Variants in CRPPA observed in about 807,000 individuals in gnomAD.
CRPPA encodes D-ribitol-5-phosphate cytidylyltransferase.
A neutral mutation model predicts 52.0 loss-of-function variants in CRPPA; 43 were observed. The ratio of observed to expected loss-of-function variants is 0.83; its 90% confidence interval spans 0.65 to 1.07. The LOEUF (loss-of-function observed/expected upper bound fraction) is 1.07, where lower values mean the gene tolerates loss of function less well. Among genes scored for constraint, CRPPA ranks in the 50% least tolerant of loss-of-function variants. The pLI is 0.00. For synonymous variants in CRPPA, 250 were observed against 203.5 expected (o/e 1.23, Z -1.94); for missense variants, 629 against 551.7 (o/e 1.14, Z -1.40).
At chr7:16,287,616 G>A (rs1159630421) in intron 5 of CRPPA, among the ~76,000 whole-genome samples, 1 of 152,006 alleles carries the variant, frequency 6.6e-6, no homozygotes, top group Non-Finnish European at 1.5e-5. Flanking sequence ...GCCCTTATAG[G>A]AAAAAGAAAT....
intron 9 of CRPPA, among the ~76,000 whole-genome samples, chr7:16,214,585 G>A (rs900856850): frequency 1.7e-4 from 26 of 151,944 alleles, no homozygotes; most frequent in African/African-American, 5.8e-4. Context: ...TGCAACCTCC[G>A]CCTCCGCCTC....
intron 9 of CRPPA, among the ~76,000 whole-genome samples, chr7:16,184,507 C>G (rs1781469017): frequency 6.6e-6 from 1 of 152,074 alleles, no homozygotes; most frequent in Non-Finnish European, 1.5e-5. Flanking sequence ...AACTAAATAT[C>G]TAACATGAAT....
chr7:16,329,880 T>C (rs1785508492), intron 3 of CRPPA, among the ~76,000 whole-genome samples: 1 of 152,238 alleles, frequency 6.6e-6, no homozygotes, highest in Admixed American at 6.5e-5. Flanking sequence ...AAAAGAATAC[T>C]ACCTGAAGCC....
At position 16,143,780 on chromosome 7, in the gene CRPPA, C is replaced by T. The variant is rs540109134; in HGVS notation, c.1252-51981G>A. On this transcript the variant is annotated intron_variant, in intron 9 of 9. Coordinates refer to ENST00000407010, the MANE Select transcript of CRPPA (RefSeq NM_001101426.4). ...AGGGCAATTTTCAGAAAAGACACTT[C>T]TAGAGGGGTACCATCTGGAAAAGTA... Among the ~76,000 whole-genome samples the T allele has an allele frequency of 7.4e-4, 113 of 152,254 alleles. 1 individual carries two copies. The South Asian group carries it at 0.014, about 19-fold the overall frequency.
chr7:16,319,785 C>T (rs531493886), intron 3 of CRPPA, among the ~76,000 whole-genome samples: 8 of 152,246 alleles, frequency 5.3e-5, no homozygotes, highest in African/African-American at 1.9e-4. Flanking sequence ...TCTACAGCAT[C>T]CTATGTTCTC....
At chr7:16,308,048 C>T (rs543742139) in intron 4 of CRPPA, among the ~76,000 whole-genome samples, 4 of 152,138 alleles carry the variant, frequency 2.6e-5, no homozygotes, top group East Asian at 1.9e-4. Context: ...GGCAGATTTC[C>T]GCCTTGGAGC....
At chr7:16,188,264 C>T (rs1004786294) in intron 9 of CRPPA, among the ~76,000 whole-genome samples, 17 of 151,874 alleles carry the variant, frequency 1.1e-4, no homozygotes, top group South Asian at 2.1e-4. Context: ...TTCTTTATTT[C>T]AATTCCTAAA....
At chr7:16,094,376 C>T (rs1163031164) in intron 9 of CRPPA, among the ~76,000 whole-genome samples, 1 of 152,138 alleles carries the variant, frequency 6.6e-6, no homozygotes, top group Non-Finnish European at 1.5e-5. Flanking sequence ...TCACACAATT[C>T]ATGGATATCA....
chr7:16,221,911 A>G (rs1003574859), intron 8 of CRPPA, among the ~76,000 whole-genome samples: 9 of 151,902 alleles, frequency 5.9e-5, no homozygotes, highest in Non-Finnish European at 1.3e-4. Context: ...ATCTAGAACT[A>G]GAAATACCAT....
chr7:16,294,632 G>T (rs908767198), intron 5 of CRPPA, among the ~76,000 whole-genome samples: 3 of 151,890 alleles, frequency 2.0e-5, no homozygotes, highest in Admixed American at 2.0e-4. Flanking sequence ...AAAATATTAT[G>T]TATAAAGAAG....
At chr7:16,333,829 T>C (rs1013513585) in intron 3 of CRPPA, among the ~76,000 whole-genome samples, 7 of 152,138 alleles carry the variant, frequency 4.6e-5, no homozygotes, top group Non-Finnish European at 1.0e-4. Flanking sequence ...AACTTGGCAG[T>C]GGACCACAAA....
At chr7:16,398,837 T>G (rs1161873323) in intron 2 of CRPPA, among the ~76,000 whole-genome samples, 2 of 152,216 alleles carry the variant, frequency 1.3e-5, no homozygotes, top group Non-Finnish European at 2.9e-5. Flanking sequence ...GACACGTGAC[T>G]GACGCGATTT....
chr7:16,152,849 T>C (rs1204188561), intron 9 of CRPPA, among the ~76,000 whole-genome samples: 1 of 152,052 alleles, frequency 6.6e-6, no homozygotes, highest in African/African-American at 2.4e-5. Flanking sequence ...CAAAATATCT[T>C]AAGAAATGTG....
At chr7:16,415,793 A>G (rs1452574080) in intron 1 of CRPPA, among the ~76,000 whole-genome samples, 1 of 152,142 alleles carries the variant, frequency 6.6e-6, no homozygotes, top group Non-Finnish European at 1.5e-5. Context: ...GCTCCTTTAG[A>G]TGGGTCAAGG....
chr7:16,236,809 G>A (rs1008816719), intron 8 of CRPPA, among the ~76,000 whole-genome samples: 3 of 151,958 alleles, frequency 2.0e-5, no homozygotes, highest in Admixed American at 2.0e-4. Flanking sequence ...ACTATAGAAG[G>A]CTTGGAAAAG....
At chr7:16,278,074 A>G in intron 6 of CRPPA, 55 bp downstream of exon 6, 1 of 843,486 alleles carries the variant, frequency 1.2e-6, no homozygotes, top group Non-Finnish European at 1.9e-6. Flanking sequence ...ATATCTTTAT[A>G]CTATAAAAGT....
chr7:16,257,263 C>T (rs945256629), intron 8 of CRPPA, among the ~76,000 whole-genome samples: 8 of 152,114 alleles, frequency 5.3e-5, no homozygotes, highest in Non-Finnish European at 7.4e-5. Flanking sequence ...TCTGGGAACA[C>T]GGAAAAATGA....
intron 6 of CRPPA, among the ~76,000 whole-genome samples, chr7:16,274,854 T>A (rs188978234): frequency 6.6e-6 from 1 of 152,136 alleles, no homozygotes; most frequent in Admixed American, 6.5e-5. Flanking sequence ...TCTGGAAACC[T>A]AGAAATATGA....
chr7:16,345,434 T>C (rs1316542147), intron 3 of CRPPA, among the ~76,000 whole-genome samples: 1 of 152,136 alleles, frequency 6.6e-6, no homozygotes, highest in Non-Finnish European at 1.5e-5. Context: ...TAAGCACATA[T>C]ACAAATAAGT....
Sources: gnomAD v4.1 joint callset for allele counts (sites outside exome capture counted in the v4.1 genomes callset) on GRCh38, gnomAD v4.1.1 for gene constraint, MANE v1.5 for transcripts, NCBI Gene and HGNC (gene_info 2026-07-23, HGNC 2026-07-21) for gene names.